The following RPGRIP1L variants were observed in gnomAD, a reference collection of about 807,000 sequenced individuals.
RPGRIP1L encodes protein fantom.
A neutral mutation model predicts 160.4 loss-of-function variants in RPGRIP1L; 131 were observed. That is an observed-to-expected ratio of 0.82 (90% CI 0.71 to 0.94). The LOEUF is 0.94. Ranked by LOEUF, RPGRIP1L falls within the 40% of genes least tolerant of loss-of-function variation. The pLI, the probability that RPGRIP1L is intolerant of heterozygous loss-of-function variation, is 0.00. For synonymous variants in RPGRIP1L, 510 were observed against 515.8 expected (o/e 0.99, Z 0.15); for missense variants, 1,522 against 1,535.8 (o/e 0.99, Z 0.15).
intron 22 of RPGRIP1L, among the ~76,000 whole-genome samples, chr16:53,623,247 G>GT (rs1166872032): frequency 6.6e-6 from 1 of 152,142 alleles, no homozygotes; most frequent in Non-Finnish European, 1.5e-5. Flanking sequence ...AGGAACTGAC[G>GT]TAAGAGATTT....
At chr16:53,676,397 T>C (rs1969173294) in intron 6 of RPGRIP1L, among the ~76,000 whole-genome samples, 1 of 148,202 alleles carries the variant, frequency 6.7e-6, no homozygotes, top group African/African-American at 2.6e-5. Context: ...AATACATATA[T>C]ATATAATATA....
rs1964452860 is a variant in RPGRIP1L at position 53,617,402 on chromosome 16, A to G, written c.3616+1623T>C. ...TCTTTCTTAAAATTAGTTGAATGCA[A>G]CTATTAATAATATTTTGATATGGTT... On this transcript the variant is annotated intron_variant, in intron 24 of 26. Coordinates refer to ENST00000647211, the MANE Select transcript of RPGRIP1L (RefSeq NM_015272.5). Among the ~76,000 whole-genome samples the G allele has an allele frequency of 2.0e-5, 3 of 152,208 alleles. No individual in the cohort carries two copies. The South Asian group carries it at 6.2e-4, about 31-fold the overall frequency.
At chr16:53,690,398 G>A (rs1242981298) in intron 4 of RPGRIP1L, among the ~76,000 whole-genome samples, 4 of 151,932 alleles carry the variant, frequency 2.6e-5, no homozygotes, top group Admixed American at 2.6e-4. Flanking sequence ...GGGTTTCACC[G>A]TGTTGGCCAG....
chr16:53,648,610 G>A (rs756159220), intron 16 of RPGRIP1L, among the ~76,000 whole-genome samples: 12 of 81,764 alleles, frequency 1.5e-4, no homozygotes, highest in South Asian at 5.1e-4. Flanking sequence ...ATACGTACGC[G>A]CGTGCGCGCG....
rs1963374317 is a variant in RPGRIP1L at position 53,601,445 on chromosome 16, T to C, written c.*631A>G. On this transcript the variant is annotated 3_prime_UTR_variant, in exon 27 of 27. Transcript: ENST00000647211. ...AAGAAAGACAAAAAACTTGCAGTCA[T>C]TGAATAAGTTGGTGCTAAGTTTCAT... 1 of 152,728 alleles carries C rather than the reference T, an allele frequency of 6.5e-6. No individual in the cohort carries two copies. The allele number at this position is 152,728 out of a possible 1,614,324, so 9.5% of individuals were successfully genotyped here. A position where few individuals can be genotyped will look rare whatever the true frequency, so the allele number is the denominator to read the frequency against.
intron 1 of RPGRIP1L, chr16:53,701,951 T>G (rs1018657559): frequency 1.3e-5 from 2 of 152,210 alleles, no homozygotes; most frequent in Non-Finnish European, 2.9e-5. Flanking sequence ...TGGGAGATCA[T>G]CTACTTCTTT....
chr16:53,661,640 T>C (rs1967808615), intron 10 of RPGRIP1L, among the ~76,000 whole-genome samples: 3 of 152,204 alleles, frequency 2.0e-5, no homozygotes, highest in Admixed American at 2.0e-4. Context: ...GACTGTTCCA[T>C]CTTTATCCAG....
At chr16:53,689,332 A>T (rs182576982) in intron 4 of RPGRIP1L, among the ~76,000 whole-genome samples, 1 of 152,120 alleles carries the variant, frequency 6.6e-6, no homozygotes, top group Admixed American at 6.5e-5. Context: ...AAACACTAGA[A>T]CTTTTTCTTA....
chr16:53,641,162 A>T (rs772137446), intron 18 of RPGRIP1L, 46 bp from the exon 19 acceptor site: 1 of 1,554,458 alleles, frequency 6.4e-7, no homozygotes, highest in Admixed American at 1.7e-5. Flanking sequence ...GATGACCATT[A>T]GATTTCAGAT....
At chr16:53,673,414 C>T (rs1437673198) in intron 7 of RPGRIP1L, among the ~76,000 whole-genome samples, 1 of 152,146 alleles carries the variant, frequency 6.6e-6, no homozygotes, top group Non-Finnish European at 1.5e-5. Flanking sequence ...GATATTCGAA[C>T]TGAAGGGATT....
chr16:53,622,337 C>A lies in RPGRIP1L; in HGVS notation c.3314G>T (p.Gly1105Val). Reference sequence around the variant, plus strand: ...TGAGATCGCGCTACTGCACCCCAGCCCGGGAGACAATGCGAGACTCTGTCT... The same window carrying A: ...TGAGATCGCGCTACTGCACCCCAGCACGGGAGACAATGCGAGACTCTGTCT... ...NIKQSLALSP[G>V]LGCSSAISAH... Residue 1105 changes from glycine to valine, a missense_variant, in exon 23 of 27, where the codon GGG (glycine) becomes GTG (valine). Physicochemically the swap from Gly to Val is moderately radical, Grantham distance 109. Coordinates refer to ENST00000647211, the MANE Select transcript of RPGRIP1L (RefSeq NM_015272.5). 1.6e-6 allele frequency: 1 copy of A among 635,208 alleles called. No homozygotes were observed. Among genetic ancestry groups the A allele is most frequent in the South Asian group, 1.7e-5 (1 of 57,394 alleles). The allele number at this position is 635,208 out of a possible 1,614,324, so 39.3% of individuals were successfully genotyped here. A position where few individuals can be genotyped will look rare whatever the true frequency, so the allele number is the denominator to read the frequency against.
At chr16:53,654,661 A>T (rs564166476) in intron 14 of RPGRIP1L, among the ~76,000 whole-genome samples, 1 of 152,258 alleles carries the variant, frequency 6.6e-6, no homozygotes, top group South Asian at 2.1e-4. Context: ...TCCTATTTGT[A>T]TTCTCCCTGC....
intron 25 of RPGRIP1L, among the ~76,000 whole-genome samples, chr16:53,608,984 C>T (rs1051151423): frequency 5.3e-5 from 8 of 152,336 alleles, no homozygotes; most frequent in Middle Eastern, 3.4e-3. Flanking sequence ...CACTTGGCAC[C>T]TGCAATACCT....
intron 22 of RPGRIP1L, among the ~76,000 whole-genome samples, chr16:53,625,827 A>G (rs1187405055): frequency 1.3e-5 from 2 of 152,152 alleles, no homozygotes; most frequent in Admixed American, 6.5e-5. Flanking sequence ...GGATGCTGTT[A>G]ATCTATAACC....
intron 6 of RPGRIP1L, among the ~76,000 whole-genome samples, chr16:53,679,494 T>C (rs28456023): frequency 0.26 from 40,107 of 151,550 alleles, 6,604 homozygotes; most frequent in African/African-American, 0.44. Context: ...CTCTGCCTCC[T>C]GGTTCAAGTG....
intron 6 of RPGRIP1L, among the ~76,000 whole-genome samples, chr16:53,678,310 T>G (rs1461857185): frequency 6.6e-6 from 1 of 152,138 alleles, no homozygotes; most frequent in Non-Finnish European, 1.5e-5. Flanking sequence ...CTCATATAAT[T>G]TGAAACAGTC....
chr16:53,618,112 T>C (rs1964490281), intron 24 of RPGRIP1L, among the ~76,000 whole-genome samples: 1 of 152,202 alleles, frequency 6.6e-6, no homozygotes, highest in Non-Finnish European at 1.5e-5. Context: ...AGGGTGTCTA[T>C]TGGGTCTGTG....
chr16:53,649,237 G>T, intron 15 of RPGRIP1L, 122 bp from the exon 16 acceptor site: 1 of 762,390 alleles, frequency 1.3e-6, no homozygotes, highest in Non-Finnish European at 2.2e-6. Context: ...AAAATAATAT[G>T]ACTTGCACAA....
At chr16:53,672,779 G>T in intron 8 of RPGRIP1L, 91 bp downstream of exon 8, 1 of 1,158,126 alleles carries the variant, frequency 8.6e-7, no homozygotes, top group Non-Finnish European at 1.3e-6. Flanking sequence ...TTTTAAATAA[G>T]TACAATTTTG....
Sources: gnomAD v4.1 joint callset for allele counts (sites outside exome capture counted in the v4.1 genomes callset) on GRCh38, gnomAD v4.1.1 for gene constraint, MANE v1.5 for transcripts, NCBI Gene and HGNC (gene_info 2026-07-23, HGNC 2026-07-21) for gene names.